GSK3B: variants seen among roughly 807,000 people sequenced by gnomAD.
GSK3B encodes the protein glycogen synthase kinase-3 beta.
GSK3B carries 15 observed loss-of-function variants against 56.4 expected under a neutral mutation model. The ratio of observed to expected loss-of-function variants is 0.27; its 90% CI spans 0.18 to 0.41. The LOEUF is 0.41. Ranked by LOEUF, GSK3B falls within the 10% of genes least tolerant of loss-of-function variation. GSK3B has a pLI of 1.00. For synonymous variants in GSK3B, 181 were observed against 188.9 expected (o/e 0.96, Z 0.34); for missense variants, 300 against 513.4 (o/e 0.58, Z 4.02).
chr3:119,962,375 C>CAAAAA (rs71156779), intron 2 of GSK3B, among the ~76,000 whole-genome samples: 1 of 120,484 alleles, frequency 8.3e-6, no homozygotes, highest in African/African-American at 3.2e-5. Flanking sequence ...AACTCTGTCT[C>CAAAAA]AAAAAAAAAA....
At chr3:119,907,305 C>T (rs2056692485) in intron 6 of GSK3B, among the ~76,000 whole-genome samples, 1 of 152,004 alleles carries the variant, frequency 6.6e-6, no homozygotes. Context: ...TCATAAAAAA[C>T]AATAGGAAAC....
intron 8 of GSK3B, among the ~76,000 whole-genome samples, chr3:119,875,496 G>A (rs964362055): frequency 4.8e-5 from 6 of 123,846 alleles, no homozygotes; most frequent in Middle Eastern, 3.5e-3. Context: ...TTGGTAACCC[G>A]TGACACACAC....
At chr3:119,845,729 T>C (rs1163749535) in intron 9 of GSK3B, among the ~76,000 whole-genome samples, 1 of 152,164 alleles carries the variant, frequency 6.6e-6, no homozygotes, top group Non-Finnish European at 1.5e-5. Flanking sequence ...AAAATGGCCA[T>C]ACTGCCCAAA....
chr3:119,874,400 A>G (rs2056284446), intron 8 of GSK3B, among the ~76,000 whole-genome samples: 1 of 152,078 alleles, frequency 6.6e-6, no homozygotes, highest in South Asian at 2.1e-4. Flanking sequence ...AATTAGAATA[A>G]TATCTATAAT....
At chr3:119,945,824 AT>A (rs1254656599) in intron 3 of GSK3B, among the ~76,000 whole-genome samples, 1 of 152,124 alleles carries the variant, frequency 6.6e-6, no homozygotes, top group Non-Finnish European at 1.5e-5. Flanking sequence ...GGAACAAATA[AT>A]TCTTACCCAG....
chr3:120,009,378 G>A (rs2107495437), intron 1 of GSK3B, among the ~76,000 whole-genome samples: 1 of 152,226 alleles, frequency 6.6e-6, no homozygotes, highest in South Asian at 2.1e-4. Flanking sequence ...TGAAACACAT[G>A]CACACGTACA....
chr3:119,888,796 A>G (rs572111416), intron 7 of GSK3B, among the ~76,000 whole-genome samples: 1 of 152,192 alleles, frequency 6.6e-6, no homozygotes, highest in South Asian at 2.1e-4. Context: ...TACTCTGGGA[A>G]AGAAATGCAT....
intron 2 of GSK3B, among the ~76,000 whole-genome samples, chr3:119,961,817 C>T (rs543418674): frequency 1.3e-5 from 2 of 152,168 alleles, no homozygotes; most frequent in East Asian, 1.9e-4. Flanking sequence ...CAGCTGTGTA[C>T]ATTAATGATG....
At chr3:119,940,855 A>T (rs74681540) in intron 3 of GSK3B, among the ~76,000 whole-genome samples, 3,930 of 152,258 alleles carry the variant, frequency 0.026, 174 homozygotes, top group African/African-American at 0.088. Flanking sequence ...AGGTCACGTC[A>T]CTTAACTTCT....
chr3:119,948,504 C>G (rs1315066828), intron 2 of GSK3B, among the ~76,000 whole-genome samples: 1 of 152,020 alleles, frequency 6.6e-6, no homozygotes, highest in South Asian at 2.1e-4. Context: ...GTAAAAGTAA[C>G]GGAAACAGAA....
chr3:120,060,329 C>T (rs901169788), intron 1 of GSK3B, among the ~76,000 whole-genome samples: 4 of 152,018 alleles, frequency 2.6e-5, no homozygotes, highest in Non-Finnish European at 1.5e-5. Flanking sequence ...GTCTTAAAGA[C>T]GATACTACAT....
chr3:120,087,277 A>C (rs1177890188), intron 1 of GSK3B, among the ~76,000 whole-genome samples: 1 of 152,226 alleles, frequency 6.6e-6, no homozygotes, highest in African/African-American at 2.4e-5. Context: ...TCACGCCTGT[A>C]ATCCCAGCAC....
intron 1 of GSK3B, among the ~76,000 whole-genome samples, chr3:120,030,177 G>A (rs1288590549): frequency 6.6e-6 from 1 of 152,102 alleles, no homozygotes; most frequent in Admixed American, 6.5e-5. Flanking sequence ...TCCTATGCTA[G>A]TTCCTTCCCT....
chr3:119,836,356 A>G (rs1222554756), intron 10 of GSK3B, among the ~76,000 whole-genome samples: 1 of 152,182 alleles, frequency 6.6e-6, no homozygotes, highest in South Asian at 2.1e-4. Context: ...AAATGTTATC[A>G]TGACTCCCCC....
At chr3:120,068,745 TTAGTAG>T (rs1215329886) in intron 1 of GSK3B, among the ~76,000 whole-genome samples, 2 of 151,280 alleles carry the variant, frequency 1.3e-5, no homozygotes, top group African/African-American at 4.8e-5. Flanking sequence ...AAATTGGGGG[TTAGTAG>T]TAACGGTATA....
intron 1 of GSK3B, among the ~76,000 whole-genome samples, chr3:120,021,873 A>T (rs2057880982): frequency 6.6e-6 from 1 of 152,142 alleles, no homozygotes; most frequent in South Asian, 2.1e-4. Flanking sequence ...GTTTGAGAGG[A>T]CTGATTCCAA....
At chr3:120,030,283 C>T (rs1158192657) in intron 1 of GSK3B, among the ~76,000 whole-genome samples, 1 of 152,126 alleles carries the variant, frequency 6.6e-6, no homozygotes, top group Non-Finnish European at 1.5e-5. Flanking sequence ...TTATCTCATG[C>T]ATTCCCAGAT....
chr3:119,867,467 A>G (rs945941827), intron 8 of GSK3B, among the ~76,000 whole-genome samples: 2 of 152,210 alleles, frequency 1.3e-5, no homozygotes, highest in African/African-American at 4.8e-5. Context: ...AACTCTCTGA[A>G]AAAATAAATC....
Position 119,912,771 on chromosome 3 carries a change from A to G in GSK3B, c.648T>C (p.Tyr216=). 6.2e-7 allele frequency: 1 copy of G among 1,602,998 alleles called. No individual in the cohort carries two copies. Among genetic ancestry groups the G allele is most frequent in the South Asian group, 1.1e-5 (1 of 89,898 alleles). The change falls in exon 6 of 11, where the codon TAT becomes TAC. Residue 216 remains tyrosine, a synonymous_variant. Coordinates refer to ENST00000264235, the MANE Select transcript of GSK3B (RefSeq NM_001146156.2). ...QLVRGEPNVS[Y]ICSRYYRAPE... ...GTGCCCTATAGTACCGAGAACAGAT[A>G]TACGAAACATTGGGTTCTCCTCGGA...
Sources: allele counts gnomAD v4.1 joint callset (sites outside exome capture counted in the v4.1 genomes callset), GRCh38; gene constraint gnomAD v4.1.1; transcripts MANE v1.5; gene names NCBI Gene and HGNC (gene_info 2026-07-23, HGNC 2026-07-21).